Variants in TSC22D1 observed in about 807,000 individuals in gnomAD.
TSC22D1 encodes the protein TSC22 domain family member 1.
Under a neutral mutation model 74.2 loss-of-function variants are expected in TSC22D1, and 9 were observed. That is an observed-to-expected ratio of 0.12 (90% confidence interval 0.07 to 0.21). The LOEUF is 0.21. Ranked by LOEUF, TSC22D1 falls within the 10% of genes least tolerant of loss-of-function variation. The pLI is 1.00. For synonymous variants in TSC22D1, 586 were observed against 492.5 expected (o/e 1.19, Z -2.51); for missense variants, 1,427 against 1,304.7 (o/e 1.09, Z -1.44).
chr13:44,473,486 C>A (rs956481530), intron 1 of TSC22D1, among the ~76,000 whole-genome samples: 2 of 151,982 alleles, frequency 1.3e-5, no homozygotes, highest in East Asian at 3.9e-4. Flanking sequence ...CAGAGCAAGA[C>A]CCCTGACTCT....
At position 44,433,861 on chromosome 13, in the gene TSC22D1, T is replaced by C. The variant is rs571720303; in HGVS notation, c.*765A>G. ...ATGTAGCAGTTTTTATGTAGATCTA[T>C]ATATAAAAGTCCACACCTCCTCAGA... is the stretch of plus-strand genomic sequence containing the variant. On this transcript the variant is annotated 3_prime_UTR_variant, in exon 3 of 3. Coordinates refer to ENST00000458659, the MANE Select transcript of TSC22D1 (RefSeq NM_183422.4). 101 of 917,820 alleles carry C rather than the reference T, an allele frequency of 1.1e-4. 2 individuals carry two copies. In the South Asian group the frequency reaches 1.8e-3, roughly 17 times the overall value. 56.9% of individuals were successfully genotyped at this position (917,820 alleles called of 1,614,324 possible).
chr13:44,561,902 T>C lies in TSC22D1; in HGVS notation c.2912+11261A>G, dbSNP rs116579649. 4.4e-3 allele frequency among the ~76,000 whole-genome samples: 667 copies of C among 152,326 alleles called. 3 individuals are homozygous for C. Among genetic ancestry groups the C allele is most frequent in the African/African-American group, 0.016 (646 of 41,574 alleles). ...TTTCTTAAATACAAACACACGTTTA[T>C]TCTTGAATTCAACTGCTGGCTCTCC... On this transcript the variant is annotated intron_variant, in intron 1 of 2. Transcript: ENST00000458659.
chr13:44,446,818 G>GAGGAGGAAGAGC (rs1875704199), intron 1 of TSC22D1, among the ~76,000 whole-genome samples: 1 of 143,866 alleles, frequency 7.0e-6, no homozygotes, highest in Non-Finnish European at 1.5e-5. Flanking sequence ...GGAGGAAGAG[G>GAGGAGGAAGAGC]AGGAGGAAGA....
intron 1 of TSC22D1, among the ~76,000 whole-genome samples, chr13:44,450,327 T>A (rs914366276): frequency 3.3e-5 from 5 of 152,182 alleles, no homozygotes; most frequent in Non-Finnish European, 5.9e-5. Context: ...GAAAAAAGTT[T>A]AAGACAGGCT....
Position 44,545,986 on chromosome 13 carries a change from AAT to A in TSC22D1, c.2912+27175_2912+27176del, listed in dbSNP as rs1402892982. On this transcript the variant is annotated intron_variant, in intron 1 of 2. Coordinates refer to ENST00000458659, the MANE Select transcript of TSC22D1 (RefSeq NM_183422.4). ...AGCGAGACTCCGTCTCAAAAAAAAA[AAT>A]AAATAAATAAAAATACAAATACAAA... Among the ~76,000 whole-genome samples the A allele has an allele frequency of 1.4e-3, 209 of 151,904 alleles. 1 individual carries two copies. Among genetic ancestry groups the A allele is most frequent in the African/African-American group, 4.7e-3 (193 of 41,402 alleles).
At chr13:44,559,052 T>A (rs1882867631) in intron 1 of TSC22D1, among the ~76,000 whole-genome samples, 1 of 152,156 alleles carries the variant, frequency 6.6e-6, no homozygotes, top group Non-Finnish European at 1.5e-5. Context: ...TAGAGGAAAA[T>A]AACACATTGA....
At chr13:44,545,835 G>T (rs959372633) in intron 1 of TSC22D1, among the ~76,000 whole-genome samples, 16 of 152,072 alleles carry the variant, frequency 1.1e-4, no homozygotes, top group African/African-American at 3.9e-4. Context: ...AAATTAGCCA[G>T]GTGTGATGGT....
intron 1 of TSC22D1, among the ~76,000 whole-genome samples, chr13:44,471,713 T>C (rs997965920): frequency 2.6e-5 from 4 of 152,194 alleles, no homozygotes; most frequent in Non-Finnish European, 4.4e-5. Flanking sequence ...TTTTAGAAAA[T>C]TGTTAAGTGA....
chr13:44,504,812 T>C (rs900309546), intron 1 of TSC22D1, among the ~76,000 whole-genome samples: 2 of 152,210 alleles, frequency 1.3e-5, no homozygotes, highest in Non-Finnish European at 2.9e-5. Context: ...ATTTTAATCC[T>C]GGACATCTCT....
chr13:44,531,779 A>G (rs1880852257), intron 1 of TSC22D1, among the ~76,000 whole-genome samples: 2 of 152,236 alleles, frequency 1.3e-5, no homozygotes, highest in South Asian at 4.1e-4. Context: ...TAAAAGCACT[A>G]TTATACTAAA....
In TSC22D1 at chr13:44,575,316, T is replaced by A; in HGVS notation, c.759A>T (p.Pro253=). ...GTTTTCTAGATACTGGGCTTGAGGG[T>A]GGCCCACCAGTAATGGATGCACTGG... ...AVASASITGG[P]PSSPVSRKLS... is the part of the protein sequence containing the mutation. Residue 253 remains proline, a synonymous_variant, in exon 1 of 3, where the codon CCA becomes CCT. Coordinates refer to ENST00000458659, the MANE Select transcript of TSC22D1 (RefSeq NM_183422.4). The A allele has an allele frequency of 1.2e-6, 2 of 1,614,120 alleles. No homozygotes were observed. Among genetic ancestry groups the A allele is most frequent in the East Asian group, 2.2e-5 (1 of 44,882 alleles).
intron 1 of TSC22D1, among the ~76,000 whole-genome samples, chr13:44,438,826 C>T (rs1049218612): frequency 6.6e-5 from 10 of 151,776 alleles, no homozygotes; most frequent in Non-Finnish European, 4.4e-5. Context: ...ACATGATAGT[C>T]TCTATATTTT....
rs111510412 is a variant in TSC22D1 at position 44,471,456 on chromosome 13, T to G, written c.2913-35361A>C. 1.5e-3 allele frequency among the ~76,000 whole-genome samples: 224 copies of G among 152,346 alleles called. 2 individuals are homozygous for G. Among genetic ancestry groups the G allele is most frequent in the African/African-American group, 5.1e-3 (213 of 41,592 alleles). On this transcript the variant is annotated intron_variant, in intron 1 of 2. Coordinates refer to ENST00000458659, the MANE Select transcript of TSC22D1 (RefSeq NM_183422.4). ...ACAGTTAAATAGCCGGAATGTTAAA[T>G]AAATAGAACTGCAAAACTTACTAGA...
chr13:44,540,792 A>G (rs376703610), intron 1 of TSC22D1, among the ~76,000 whole-genome samples: 6 of 152,190 alleles, frequency 3.9e-5, no homozygotes, highest in African/African-American at 1.4e-4. Flanking sequence ...ATCAAGGAAA[A>G]GCTGAAAGGA....
intron 1 of TSC22D1, among the ~76,000 whole-genome samples, chr13:44,446,998 T>C (rs1399822753): frequency 6.6e-6 from 1 of 152,190 alleles, no homozygotes; most frequent in Non-Finnish European, 1.5e-5. Flanking sequence ...AGCATATGGT[T>C]ACTATTGTGA....
chr13:44,495,614 T>C (rs1360058426), intron 1 of TSC22D1, among the ~76,000 whole-genome samples: 1 of 152,062 alleles, frequency 6.6e-6, no homozygotes, highest in East Asian at 1.9e-4. Context: ...CTGTTGACAG[T>C]GACACCACGT....
chr13:44,455,578 A>T (rs1876519493), intron 1 of TSC22D1, among the ~76,000 whole-genome samples: 1 of 152,358 alleles, frequency 6.6e-6, no homozygotes, highest in South Asian at 2.1e-4. Flanking sequence ...TCCAATAAAA[A>T]CTTTCCCTGT....
At chr13:44,445,759 C>T (rs778118706) in intron 1 of TSC22D1, among the ~76,000 whole-genome samples, 17 of 151,944 alleles carry the variant, frequency 1.1e-4, no homozygotes, top group South Asian at 2.1e-4. Flanking sequence ...GGTAAATAAG[C>T]GCCTGGAAAA....
chr13:44,570,692 C>A (rs1883704823), intron 1 of TSC22D1, among the ~76,000 whole-genome samples: 1 of 151,962 alleles, frequency 6.6e-6, no homozygotes, highest in African/African-American at 2.4e-5. Flanking sequence ...GTCCTACTGC[C>A]CAAATTATAT....
Sources: gnomAD v4.1 joint callset for allele counts (sites outside exome capture counted in the v4.1 genomes callset) on GRCh38, gnomAD v4.1.1 for gene constraint, MANE v1.5 for transcripts, NCBI Gene and HGNC (gene_info 2026-07-23, HGNC 2026-07-21) for gene names.